Variants in AGBL1 observed in about 807,000 individuals in gnomAD.
The protein encoded by AGBL1 is AGBL carboxypeptidase 1.
In AGBL1, 130 loss-of-function variants were observed where a neutral mutation model predicts 118.9. The observed-to-expected ratio is 1.09, with a 90% CI of 0.95 to 1.26. The LOEUF is 1.26. Ranked by LOEUF, AGBL1 falls within the 50% of genes most tolerant of loss-of-function variation. AGBL1 has a pLI of 0.00. For missense variants in AGBL1, 1,584 were observed against 1,298.1 expected (o/e 1.22, Z -3.38); for synonymous variants, 555 against 478.9 (o/e 1.16, Z -2.08).
At chr15:86,360,867 T>C (rs1199149928) in intron 17 of AGBL1, among the ~76,000 whole-genome samples, 4 of 152,014 alleles carry the variant, frequency 2.6e-5, no homozygotes, top group Non-Finnish European at 5.9e-5. Context: ...TACTGTAATG[T>C]CACCTTTCTC....
intron 24 of AGBL1, among the ~76,000 whole-genome samples, chr15:87,007,402 C>CA (rs1312090686): frequency 6.6e-6 from 1 of 152,086 alleles, no homozygotes; most frequent in Non-Finnish European, 1.5e-5. Context: ...TCAAGAAAAT[C>CA]AATTTTAATA....
intron 1 of AGBL1, among the ~76,000 whole-genome samples, chr15:86,097,394 T>G (rs1043357765): frequency 1.3e-5 from 2 of 152,140 alleles, no homozygotes; most frequent in African/African-American, 4.8e-5. Context: ...CACTCTCCTA[T>G]TGAACACTAG....
intron 22 of AGBL1, among the ~76,000 whole-genome samples, chr15:86,802,541 G>A (rs985765282): frequency 6.6e-6 from 1 of 151,988 alleles, no homozygotes; most frequent in African/African-American, 2.4e-5. Flanking sequence ...TTTATTTTTA[G>A]TCTAGCATAT....
At chr15:86,917,089 G>T (rs952532934), downstream of AGBL1, among the ~76,000 whole-genome samples, 1 of 152,196 alleles carries the variant, frequency 6.6e-6, no homozygotes, top group Non-Finnish European at 1.5e-5. This position sits in a 1 kb window ranked among gnomAD's most constrained non-coding sequence, Gnocchi z 4.8. Context: ...CACATGGTTT[G>T]GCCTGCTAGG....
At chr15:86,588,076 G>T (rs76448151) in intron 21 of AGBL1, among the ~76,000 whole-genome samples, 19 of 152,184 alleles carry the variant, frequency 1.2e-4, no homozygotes, top group Admixed American at 7.2e-4. Context: ...CTTATGTAAA[G>T]GTATAAGTAA....
intron 1 of AGBL1, among the ~76,000 whole-genome samples, chr15:86,126,308 C>T (rs558994360): frequency 3.2e-4 from 49 of 152,314 alleles, no homozygotes; most frequent in Middle Eastern, 3.4e-3. Flanking sequence ...CTCTTACCTG[C>T]TTCCTCTACT....
At chr15:86,711,852 A>G (rs1267785214) in intron 22 of AGBL1, among the ~76,000 whole-genome samples, 2 of 152,224 alleles carry the variant, frequency 1.3e-5, no homozygotes, top group Admixed American at 1.3e-4. Context: ...CTTGATTCAG[A>G]AGATAGAAAT....
At chr15:86,240,079 C>G (rs1161889806) in intron 6 of AGBL1, among the ~76,000 whole-genome samples, 1 of 152,094 alleles carries the variant, frequency 6.6e-6, no homozygotes, top group Non-Finnish European at 1.5e-5. Flanking sequence ...CATTTGAATC[C>G]TAGATATGCC....
At chr15:86,245,336 A>G (rs902055794) in intron 6 of AGBL1, among the ~76,000 whole-genome samples, 4 of 152,200 alleles carry the variant, frequency 2.6e-5, no homozygotes, top group Admixed American at 2.6e-4. Flanking sequence ...TCTCCCTCAC[A>G]CACACTCAGC....
intron 22 of AGBL1, among the ~76,000 whole-genome samples, chr15:86,870,557 A>C (rs1469234320): frequency 1.3e-5 from 2 of 151,546 alleles, no homozygotes; most frequent in East Asian, 3.9e-4. Context: ...TTGTGTGAAA[A>C]CATGAGGATG....
chr15:86,643,260 T>A (rs1194226062), intron 21 of AGBL1, among the ~76,000 whole-genome samples: 2 of 152,182 alleles, frequency 1.3e-5, no homozygotes, highest in Non-Finnish European at 2.9e-5. Flanking sequence ...AGTCACATAC[T>A]TTTTCATGTT....
chr15:86,758,872 C>T (rs1204270917), intron 22 of AGBL1, among the ~76,000 whole-genome samples: 7 of 146,376 alleles, frequency 4.8e-5, no homozygotes, highest in African/African-American at 1.8e-4. Flanking sequence ...ACTCAGGAGG[C>T]TGAGGTGGGA....
intron 17 of AGBL1, among the ~76,000 whole-genome samples, chr15:86,357,317 T>C (rs1368116301): frequency 1.3e-5 from 2 of 152,192 alleles, no homozygotes; most frequent in Non-Finnish European, 2.9e-5. Flanking sequence ...ATGAATTCTA[T>C]GTCTTCTGAG....
chr15:86,374,969 C>T (rs911636639), intron 17 of AGBL1, among the ~76,000 whole-genome samples: 1 of 152,170 alleles, frequency 6.6e-6, no homozygotes, highest in Non-Finnish European at 1.5e-5. Context: ...ATGATGGATA[C>T]ATAGTAAATG....
chr15:86,320,852 T>G (rs1382752926), intron 17 of AGBL1, among the ~76,000 whole-genome samples: 1 of 152,228 alleles, frequency 6.6e-6, no homozygotes, highest in Non-Finnish European at 1.5e-5. Context: ...ACATCTATTA[T>G]AATTATCAGA....
Position 86,816,481 on chromosome 15 carries a change from A to T in AGBL1, c.3159-90606A>T, listed in dbSNP as rs143567081. On this transcript the variant is annotated intron_variant, in intron 22 of 22. Coordinates refer to ENST00000614907, the MANE Select transcript of AGBL1 (RefSeq NM_001386094.1). ...GACACCAAAGAAATATCAGGAGGATAGGTTAAAAGGAAATAGAAGCATAGT... is the reference window on the plus strand; with the variant it reads ...GACACCAAAGAAATATCAGGAGGATTGGTTAAAAGGAAATAGAAGCATAGT... Among the ~76,000 whole-genome samples the T allele has an allele frequency of 1.8e-3, 270 of 152,366 alleles. 2 individuals are homozygous for T. Among genetic ancestry groups the T allele is most frequent in the African/African-American group, 6.4e-3 (266 of 41,592 alleles).
chr15:86,503,009 G>A (rs1342687630), intron 18 of AGBL1, among the ~76,000 whole-genome samples: 3 of 151,444 alleles, frequency 2.0e-5, no homozygotes, highest in South Asian at 2.1e-4. Context: ...TTCCTTAAAC[G>A]CTTGGTAGAA....
chr15:86,885,100 A>G (rs1470530906), intron 22 of AGBL1, among the ~76,000 whole-genome samples: 1 of 135,396 alleles, frequency 7.4e-6, no homozygotes, highest in East Asian at 2.3e-4. Context: ...TAGTTTAATT[A>G]TATATAATGT....
At chr15:86,891,522 A>G (rs890454462) in intron 22 of AGBL1, among the ~76,000 whole-genome samples, 6 of 151,924 alleles carry the variant, frequency 3.9e-5, no homozygotes, top group Non-Finnish European at 8.8e-5. Context: ...CATTTTAGCA[A>G]TGACCCACAG....
Sources: allele counts gnomAD v4.1 joint callset (sites outside exome capture counted in the v4.1 genomes callset), GRCh38; gene constraint gnomAD v4.1.1; non-coding constraint Gnocchi (gnomAD v3.1); transcripts MANE v1.5; gene names NCBI Gene and HGNC (gene_info 2026-07-23, HGNC 2026-07-21).